The following SLC35D1 variants were observed in gnomAD, a reference collection of about 807,000 sequenced individuals.
The protein encoded by SLC35D1 is nucleotide sugar transporter SLC35D1.
SLC35D1 carries 31 observed loss-of-function variants against 46.7 expected under a neutral mutation model. The observed-to-expected ratio is 0.66, with a 90% confidence interval of 0.50 to 0.90. The LOEUF (loss-of-function observed/expected upper bound fraction) is 0.90. SLC35D1 is among the 40% of genes least tolerant of loss of function. SLC35D1 has a pLI of 0.00. For missense variants in SLC35D1, 397 were observed against 426.2 expected (o/e 0.93, Z 0.60); for synonymous variants, 195 against 164.6 (o/e 1.18, Z -1.41).
At position 67,000,430 on chromosome 1, in the gene SLC35D1, G is replaced by T. The variant is rs1031472500; in HGVS notation, c.*3910C>A. 2.6e-5 allele frequency: 4 copies of T among 151,860 alleles called. No homozygotes were observed. Among genetic ancestry groups the T allele is most frequent in the Non-Finnish European group, 4.4e-5 (3 of 67,982 alleles). The allele number at this position is 151,860 out of a possible 1,614,324, so 9.4% of individuals were successfully genotyped here. On this transcript the variant is annotated 3_prime_UTR_variant, in exon 12 of 12. Transcript: ENST00000235345. The stretch of plus-strand genomic sequence containing the variant: ...GAATCACCTGCATCATGTAATGGCC[G>T]TAATTGTGTCCAGCAGATATTTTTA...
At chr1:67,027,221 C>T (rs1359759486) in intron 8 of SLC35D1, among the ~76,000 whole-genome samples, 1 of 151,990 alleles carries the variant, frequency 6.6e-6, no homozygotes, top group Non-Finnish European at 1.5e-5. Flanking sequence ...AATATACCTG[C>T]TCTGTAATGA....
chr1:66,988,997 A>C, the SLC35D1 span, among the ~76,000 whole-genome samples: 147 of 152,342 alleles, frequency 9.6e-4, no homozygotes, highest in African/African-American at 3.4e-3. Context: ...CCTCTTTGCC[A>C]TGTAAGTCTA....
rs1042321903 is a variant in SLC35D1, at chr1:67,001,947, A to G, written c.*2393T>C. The G allele has an allele frequency of 2.0e-5, 3 of 152,338 alleles. No individual in the cohort carries two copies. The highest frequency in any genetic ancestry group is 4.8e-5 in the African/African-American group (2 of 41,456). The allele number at this position is 152,338 out of a possible 1,614,324, so 9.4% of individuals were successfully genotyped here. On this transcript the variant is annotated 3_prime_UTR_variant, in exon 12 of 12. Coordinates refer to ENST00000235345, the MANE Select transcript of SLC35D1 (RefSeq NM_015139.3). Reference sequence around the variant, plus strand: ...GCATTTAGTGAAGCTGTAACTACACAATGTTCTCAAATACTCCTGAAGAGG... The same window carrying G: ...GCATTTAGTGAAGCTGTAACTACACGATGTTCTCAAATACTCCTGAAGAGG...
intron 8 of SLC35D1, among the ~76,000 whole-genome samples, chr1:67,024,649 T>C (rs76585794): frequency 2.1e-3 from 323 of 152,234 alleles, no homozygotes; most frequent in African/African-American, 7.6e-3. Flanking sequence ...ATCTTTGGTA[T>C]TTTTTTAGCT....
chr1:66,989,268 C>T, the SLC35D1 span, among the ~76,000 whole-genome samples: 1 of 152,046 alleles, frequency 6.6e-6, no homozygotes. Context: ...GCAAATTTGG[C>T]CTGGTTATAG....
chr1:66,986,324 T>C, the SLC35D1 span: 1 of 1,540,534 alleles, frequency 6.5e-7, no homozygotes, highest in Non-Finnish European at 8.7e-7. Context: ...TGTTAAATAA[T>C]GTAGTTTTAT....
At chr1:66,990,611 CACTT>C in the SLC35D1 span, among the ~76,000 whole-genome samples, 1 of 152,170 alleles carries the variant, frequency 6.6e-6, no homozygotes, top group African/African-American at 2.4e-5. Context: ...TAAAACAACT[CACTT>C]AGGATTGCAG....
Position 67,052,004 on chromosome 1 carries a change from A to C in SLC35D1, c.392+8T>G. The C allele has an allele frequency of 6.4e-7, 1 of 1,573,892 alleles. No homozygotes were observed. The highest frequency in any genetic ancestry group is 8.7e-7 in the Non-Finnish European group (1 of 1,143,626). On this transcript the variant is annotated splice_region_variant and intron_variant, in intron 4 of 11. Transcript: ENST00000235345. Reference sequence around the variant, plus strand: ...TTAACCTCACTAGTAAAATAAAGTTATCCATACTTCAGTTTCTTTGTGCTG... The same window carrying C: ...TTAACCTCACTAGTAAAATAAAGTTCTCCATACTTCAGTTTCTTTGTGCTG...
At chr1:66,989,740 G>A in the SLC35D1 span, among the ~76,000 whole-genome samples, 289 of 152,332 alleles carry the variant, frequency 1.9e-3, 3 homozygotes, top group Admixed American at 5.3e-3. Context: ...TGGGATTACA[G>A]GCGTGAGCCA....
intron 8 of SLC35D1, among the ~76,000 whole-genome samples, chr1:67,025,392 G>A (rs1407602697): frequency 6.6e-6 from 1 of 152,056 alleles, no homozygotes; most frequent in Non-Finnish European, 1.5e-5. Flanking sequence ...TTGCCCACAT[G>A]GTATATTTCT....
chr1:66,982,648 G>A, the SLC35D1 span, among the ~76,000 whole-genome samples: 2 of 152,218 alleles, frequency 1.3e-5, no homozygotes, highest in Admixed American at 1.3e-4. Context: ...ACTGGTGATA[G>A]GAGAGTACCA....
At chr1:66,987,311 G>A in the SLC35D1 span, 1 of 152,626 alleles carries the variant, frequency 6.6e-6, no homozygotes, top group Non-Finnish European at 1.5e-5. Flanking sequence ...TTAAGATTTA[G>A]TACATTTCAG....
At position 67,036,623 on chromosome 1, in the gene SLC35D1, G is replaced by A. The variant is rs548246364; in HGVS notation, c.729+5613C>T. On this transcript the variant is annotated intron_variant, in intron 8 of 11. Transcript: ENST00000235345. ...GCTCTTTTTTGGTCTCCATTGGCAT[G>A]TAATATATTTTTCCATCCCTTTATT... 3.3e-5 allele frequency among the ~76,000 whole-genome samples: 5 copies of A among 151,522 alleles called. No individual in the cohort carries two copies. In the South Asian group the frequency reaches 1.0e-3, roughly 32 times the overall value.
At chr1:67,046,293 C>G (rs1371208446) in intron 7 of SLC35D1, among the ~76,000 whole-genome samples, 1 of 152,176 alleles carries the variant, frequency 6.6e-6, no homozygotes, top group Non-Finnish European at 1.5e-5. Context: ...ATAGTACTAT[C>G]AAGCAGGTAG....
intron 8 of SLC35D1, among the ~76,000 whole-genome samples, chr1:67,024,107 G>A (rs575224115): frequency 6.6e-6 from 1 of 151,782 alleles, no homozygotes; most frequent in South Asian, 2.1e-4. Context: ...ACCACACCCA[G>A]CTAATTTTTG....
At chr1:66,981,769 T>C in the SLC35D1 span, 1 of 1,582,230 alleles carries the variant, frequency 6.3e-7, no homozygotes, top group Non-Finnish European at 8.6e-7. Context: ...ATTGTTTTAT[T>C]AATTTTAAGG....
chr1:67,037,894 A>C (rs1341717029), intron 8 of SLC35D1, among the ~76,000 whole-genome samples: 2 of 152,208 alleles, frequency 1.3e-5, no homozygotes, highest in Non-Finnish European at 2.9e-5. Context: ...AACTGTTAGG[A>C]AACTTGCTAA....
chr1:67,038,345 G>A (rs139037248), intron 8 of SLC35D1, among the ~76,000 whole-genome samples: 47 of 152,276 alleles, frequency 3.1e-4, no homozygotes, highest in African/African-American at 1.1e-3. Context: ...GACAATTTGT[G>A]CAGCAACCTT....
At chr1:67,008,978 G>A in intron 11 of SLC35D1, 107 bp downstream of exon 11, 1 of 592,620 alleles carries the variant, frequency 1.7e-6, no homozygotes, top group Non-Finnish European at 3.2e-6. Context: ...CTCCACATAT[G>A]TTTAATAATG....
Sources: gnomAD v4.1 joint callset for allele counts (sites outside exome capture counted in the v4.1 genomes callset) on GRCh38, gnomAD v4.1.1 for gene constraint, MANE v1.5 for transcripts, NCBI Gene and HGNC (gene_info 2026-07-23, HGNC 2026-07-21) for gene names.